Variants in PPP2R2C observed in about 807,000 individuals in gnomAD.
The protein encoded by PPP2R2C is protein phosphatase 2 regulatory subunit Bgamma.
PPP2R2C carries 10 observed loss-of-function variants against 45.3 expected under a neutral mutation model. That is an observed-to-expected ratio of 0.22 (90% CI 0.14 to 0.37). The LOEUF is 0.37. Among genes scored for constraint, PPP2R2C ranks in the 10% least tolerant of loss-of-function variants. PPP2R2C has a pLI of 1.00. For synonymous variants in PPP2R2C, 257 were observed against 245.4 expected, an observed-to-expected ratio of 1.05 and a Z score of -0.44; for missense variants, 308 against 619.7, an observed-to-expected ratio of 0.50 and a Z score of 5.34.
intron 1 of PPP2R2C, chr4:6,414,043 T>C (rs188634461): frequency 1.9e-5 from 29 of 1,516,772 alleles, no homozygotes; most frequent in South Asian, 3.7e-5. Flanking sequence ...TAGAGAATTA[T>C]GCATGGGACA....
At chr4:6,372,747 C>A in intron 4 of PPP2R2C, 47 bp from the exon 5 acceptor site, 12 of 1,581,246 alleles carry the variant, frequency 7.6e-6, no homozygotes, top group Non-Finnish European at 1.0e-5. Context: ...CAGGTGGTGG[C>A]ATCAGGACAT....
chr4:6,513,210 A>C (rs1326199682), intron 2 of PPP2R2C, among the ~76,000 whole-genome samples: 3 of 152,212 alleles, frequency 2.0e-5, no homozygotes, highest in Admixed American at 6.5e-5. Flanking sequence ...AATATGTTTA[A>C]TCTTGAAAAC....
At chr4:6,398,220 A>G (rs1175658321) in intron 1 of PPP2R2C, among the ~76,000 whole-genome samples, 1 of 152,226 alleles carries the variant, frequency 6.6e-6, no homozygotes, top group Non-Finnish European at 1.5e-5. Context: ...TCAAGACACA[A>G]AAAGCATGAA....
At chr4:6,381,537 A>C in intron 1 of PPP2R2C, 1 of 1,400,742 alleles carries the variant, frequency 7.1e-7, no homozygotes, top group South Asian at 1.5e-5. Context: ...AGCGCAAGGC[A>C]ACCCTCTGCT....
chr4:6,503,647 A>T (rs1343959820), intron 2 of PPP2R2C, among the ~76,000 whole-genome samples: 1 of 152,234 alleles, frequency 6.6e-6, no homozygotes, highest in Non-Finnish European at 1.5e-5. Context: ...CAAGAGAAAA[A>T]AACTTATGTC....
intron 5 of PPP2R2C, among the ~76,000 whole-genome samples, chr4:6,354,822 GC>G (rs1293768072): frequency 2.0e-5 from 3 of 152,052 alleles, no homozygotes; most frequent in Admixed American, 6.6e-5. Context: ...TCCGCCCACA[GC>G]CCCCCACAGC....
At chr4:6,347,064 T>C (rs1712031669) in intron 6 of PPP2R2C, among the ~76,000 whole-genome samples, 1 of 152,218 alleles carries the variant, frequency 6.6e-6, no homozygotes, top group South Asian at 2.1e-4. Flanking sequence ...GGGATGGCTG[T>C]GGCAGTGTGC....
intron 1 of PPP2R2C, among the ~76,000 whole-genome samples, chr4:6,390,229 G>GA (rs1222295441): frequency 3.3e-5 from 3 of 91,410 alleles, no homozygotes. Flanking sequence ...GAGGGAGGCT[G>GA]GGGGTGCACA....
chr4:6,385,422 C>T (rs1377523142), intron 1 of PPP2R2C, among the ~76,000 whole-genome samples: 1 of 152,132 alleles, frequency 6.6e-6, no homozygotes, highest in African/African-American at 2.4e-5. Flanking sequence ...GTTTTGGCAG[C>T]CACCTCTGTG....
chr4:6,372,008 C>T (rs1714869460), intron 5 of PPP2R2C, among the ~76,000 whole-genome samples: 1 of 152,192 alleles, frequency 6.6e-6, no homozygotes, highest in African/African-American at 2.4e-5. Flanking sequence ...CCTAGCTTGC[C>T]CTGACACAGG....
chr4:6,355,407 G>A (rs530670927), intron 5 of PPP2R2C, among the ~76,000 whole-genome samples: 1 of 152,114 alleles, frequency 6.6e-6, no homozygotes, highest in African/African-American at 2.4e-5. Context: ...TTGGGAGATA[G>A]ACCTAATGCT....
At chr4:6,391,519 T>C (rs1412985452) in intron 1 of PPP2R2C, among the ~76,000 whole-genome samples, 1 of 152,172 alleles carries the variant, frequency 6.6e-6, no homozygotes, top group African/African-American at 2.4e-5. Flanking sequence ...AGCCGGCAGA[T>C]GATGAGTTAC....
intron 1 of PPP2R2C, among the ~76,000 whole-genome samples, chr4:6,391,374 G>A (rs558119494): frequency 4.6e-5 from 7 of 152,118 alleles, no homozygotes; most frequent in South Asian, 2.1e-4. Flanking sequence ...CATGGCAGGC[G>A]CTGTGCAGGG....
chr4:6,485,109 A>G (rs369176521), intron 2 of PPP2R2C, among the ~76,000 whole-genome samples: 10 of 151,870 alleles, frequency 6.6e-5, no homozygotes, highest in Admixed American at 2.0e-4. Flanking sequence ...GATTTTATCA[A>G]TTTTATCAAG....
intron 6 of PPP2R2C, among the ~76,000 whole-genome samples, chr4:6,336,215 C>T (rs751017370): frequency 1.3e-5 from 2 of 152,076 alleles, no homozygotes; most frequent in Non-Finnish European, 2.9e-5. Context: ...CCTCCACACG[C>T]CCCCAGTCCC....
intron 2 of PPP2R2C, among the ~76,000 whole-genome samples, chr4:6,526,356 G>A: frequency 6.6e-6 from 1 of 152,242 alleles, no homozygotes; most frequent in African/African-American, 2.4e-5. Context: ...CCTGCAGGCT[G>A]CAGCCCTTCA....
intron 1 of PPP2R2C, among the ~76,000 whole-genome samples, chr4:6,536,666 G>A (rs1724625595): frequency 6.6e-6 from 1 of 152,236 alleles, no homozygotes; most frequent in South Asian, 2.1e-4. Flanking sequence ...AGCTCCACAG[G>A]GGACAATTTG....
intron 1 of PPP2R2C, among the ~76,000 whole-genome samples, chr4:6,542,805 C>T (rs1276358281): frequency 3.3e-5 from 5 of 151,822 alleles, no homozygotes; most frequent in South Asian, 2.1e-4. Context: ...AACACTGACA[C>T]GAGAAGAAAT....
At chr4:6,376,918 G>A (rs950019978) in intron 3 of PPP2R2C, among the ~76,000 whole-genome samples, 5 of 152,190 alleles carry the variant, frequency 3.3e-5, no homozygotes, top group Non-Finnish European at 7.3e-5. Flanking sequence ...CTGCCTTTGA[G>A]GTGCATGGCG....
Sources: allele counts gnomAD v4.1 joint callset (sites outside exome capture counted in the v4.1 genomes callset), GRCh38; gene constraint gnomAD v4.1.1; transcripts MANE v1.5; gene names NCBI Gene and HGNC (gene_info 2026-07-23, HGNC 2026-07-21).